Variants in ZNF641 observed in about 807,000 individuals in gnomAD.
ZNF641 encodes the protein zinc finger protein 641.
A neutral mutation model predicts 46.2 loss-of-function variants in ZNF641; 26 were observed. The observed-to-expected ratio is 0.56, with a 90% CI of 0.41 to 0.78. ZNF641 has a LOEUF of 0.78. ZNF641 is among the 30% of genes least tolerant of loss of function. ZNF641 has a pLI of 0.00. For missense variants in ZNF641, 469 were observed against 517.8 expected (o/e 0.91, Z 0.91); for synonymous variants, 163 against 187.9 (o/e 0.87, Z 1.09).
At chr12:48,350,188 C>A in intron 1 of ZNF641, 1 of 1,557,126 alleles carries the variant, frequency 6.4e-7, no homozygotes, top group Non-Finnish European at 8.7e-7. Context: ...TCATTTCCCC[C>A]TTTTCTTCAC....
In ZNF641 at chr12:48,343,624, A is replaced by G. The variant is rs1412451343; in HGVS notation, c.624T>C (p.His208=). 2.5e-6 allele frequency: 4 copies of G among 1,599,216 alleles called. No individual in the cohort carries two copies. Among genetic ancestry groups the G allele is most frequent in the Non-Finnish European group, 3.4e-6 (4 of 1,172,516 alleles). Residue 208 remains histidine, a synonymous_variant, in exon 6 of 6, where the codon CAT becomes CAC. Coordinates refer to ENST00000547026, the MANE Select transcript of ZNF641 (RefSeq NM_001172681.2). Reference sequence around the variant, plus strand: ...TGGGCATGGAATCCCAGCTCTCATCATGCTCCGGGTTCCAGAGAACAGTAT... The same window carrying G: ...TGGGCATGGAATCCCAGCTCTCATCGTGCTCCGGGTTCCAGAGAACAGTAT... ...SEDTVLWNPE[H]DESWDSMPSS... is the part of the protein sequence containing the mutation.
intron 1 of ZNF641, chr12:48,349,924 A>G (rs1431841493): frequency 8.6e-7 from 1 of 1,161,348 alleles, no homozygotes; most frequent in East Asian, 2.3e-5. Flanking sequence ...CAGGTAGCAG[A>G]GTCTCTTAAT....
chr12:48,344,656 A>T lies in ZNF641; in HGVS notation c.463T>A (p.Trp155Arg). The T allele has an allele frequency of 6.2e-7, 1 of 1,613,812 alleles. No homozygotes were observed. The highest frequency in any genetic ancestry group is 8.5e-7 in the Non-Finnish European group (1 of 1,179,844). ...TCTAAGTCCTGGGGGTCAGGGACCC[A>T]TTGTTCTTCTCCTCCTTCTAGTTGA... ...LSQLEGGEEQWVPDPQDLEER... is the reference protein window; with the variant it reads ...LSQLEGGEEQRVPDPQDLEER... Residue 155 changes from tryptophan to arginine, a missense_variant, in exon 5 of 6, where the codon TGG becomes AGG. Physicochemically the swap from Trp to Arg is moderately radical, Grantham distance 101. Transcript: ENST00000547026.
At position 48,345,407 on chromosome 12, in the gene ZNF641, G is replaced by C; in HGVS notation, c.344C>G (p.Ser115Cys). Reference sequence around the variant, plus strand: ...ATATTCTCCATAAAAGTCTGTCTGAGAGGGGTCCAGGCTCCGCCACTCCTC... The same window carrying C: ...ATATTCTCCATAAAAGTCTGTCTGACAGGGGTCCAGGCTCCGCCACTCCTC... ...SQEEWRSLDP[S>C]QTDFYGEYVM... The change falls in exon 4 of 6, where the codon TCT becomes TGT. Residue 115 changes from serine (S) to cysteine (C), a missense_variant. Coordinates refer to ENST00000547026, the MANE Select transcript of ZNF641 (RefSeq NM_001172681.2). 1 of 1,614,194 alleles carries C rather than the reference G, an allele frequency of 6.2e-7. No homozygotes were observed. The highest frequency in any genetic ancestry group is 8.5e-7 in the Non-Finnish European group (1 of 1,180,026).
In ZNF641 at chr12:48,341,636, G is replaced by A; in HGVS notation, c.*1337C>T. ...GGCAGTCAAATTCAAACCAGTGATG[G>A]CAACAACTTGCAAACACGTAATTCC... On this transcript the variant is annotated 3_prime_UTR_variant, in exon 6 of 6. Transcript: ENST00000547026. 1.0e-6 allele frequency: 1 copy of A among 985,392 alleles called. No homozygotes were observed. The highest frequency in any genetic ancestry group is 1.2e-6 in the Non-Finnish European group (1 of 829,932). 61.0% of individuals were successfully genotyped at this position (985,392 alleles called of 1,614,324 possible).
chr12:48,342,476 G>A lies in ZNF641; in HGVS notation c.*497C>T, dbSNP rs186185469. 1,160 of 971,920 alleles carry A rather than the reference G, an allele frequency of 1.2e-3. 4 individuals carry two copies. The highest frequency in any genetic ancestry group is 6.4e-3 in the Middle Eastern group (12 of 1,882). The allele number at this position is 971,920 out of a possible 1,614,324, so 60.2% of individuals were successfully genotyped here. The stretch of plus-strand genomic sequence containing the variant: ...AGTTCTGTGGGATGTAAATAGAAAG[G>A]ATACTGAGGTCAAATACATTTAGGA... On this transcript the variant is annotated 3_prime_UTR_variant, in exon 6 of 6. Transcript: ENST00000547026.
In ZNF641 at chr12:48,341,758, C is replaced by T; in HGVS notation, c.*1215G>A. ...ATCAACAAGAAACAGCTCACCTCCC[C>T]AAAGACTCCTCTTTCTCTGCCAGGG... On this transcript the variant is annotated 3_prime_UTR_variant, in exon 6 of 6. Coordinates refer to ENST00000547026, the MANE Select transcript of ZNF641 (RefSeq NM_001172681.2). 1.0e-6 allele frequency: 1 copy of T among 985,488 alleles called. No homozygotes were observed. The highest frequency in any genetic ancestry group is 4.7e-5 in the South Asian group (1 of 21,290). 61.0% of individuals were successfully genotyped at this position (985,488 alleles called of 1,614,324 possible).
Position 48,341,483 on chromosome 12 carries a change from T to C in ZNF641, c.*1490A>G. ...TCTTAGTGTGGACACCTTTCCAGAATTGGAAGGAAAACCAACCAGAAAGCT... is the reference window on the plus strand; with the variant it reads ...TCTTAGTGTGGACACCTTTCCAGAACTGGAAGGAAAACCAACCAGAAAGCT... On this transcript the variant is annotated 3_prime_UTR_variant, in exon 6 of 6. Transcript: ENST00000547026. The C allele has an allele frequency of 1.0e-6, 1 of 985,428 alleles. No individual in the cohort carries two copies. Among genetic ancestry groups the C allele is most frequent in the Non-Finnish European group, 1.2e-6 (1 of 829,936 alleles). 61.0% of individuals were successfully genotyped at this position (985,428 alleles called of 1,614,324 possible).
At position 48,337,660 on chromosome 12, in the gene ZNF641, A is replaced by G. The variant is rs1472596596; in HGVS notation, c.*5313T>C. The G allele has an allele frequency of 1.9e-5, 2 of 108,090 alleles. No individual in the cohort carries two copies. Among genetic ancestry groups the G allele is most frequent in the Non-Finnish European group, 4.0e-5 (2 of 49,424 alleles). 6.7% of individuals were successfully genotyped at this position (108,090 alleles called of 1,614,324 possible). A position where few individuals can be genotyped will look rare whatever the true frequency, so the allele number is the denominator to read the frequency against. On this transcript the variant is annotated 3_prime_UTR_variant, in exon 6 of 6. Coordinates refer to ENST00000547026, the MANE Select transcript of ZNF641 (RefSeq NM_001172681.2). ...ACCGTGAAACCCCGTCTCTACTAAA[A>G]AAAATACAAAAAAAAAAAAAAAAAT... is the stretch of plus-strand genomic sequence containing the variant.
chr12:48,340,917 G>C lies in ZNF641; in HGVS notation c.*2056C>G, dbSNP rs557090357. The C allele has an allele frequency of 3.0e-6, 3 of 985,424 alleles. No individual in the cohort carries two copies. The highest frequency in any genetic ancestry group is 2.3e-4 in the East Asian group (2 of 8,818). The allele number at this position is 985,424 out of a possible 1,614,324, so 61.0% of individuals were successfully genotyped here. Reference sequence around the variant, plus strand: ...GATCCTAAAATGCTCCTGTTTCTGAGAAGCTAGGGCAAGACCTGCCTTACA... The same window carrying C: ...GATCCTAAAATGCTCCTGTTTCTGACAAGCTAGGGCAAGACCTGCCTTACA... On this transcript the variant is annotated 3_prime_UTR_variant, in exon 6 of 6. Transcript: ENST00000547026.
upstream of ZNF641, chr12:48,351,062 GC>G (rs1953027174): frequency 6.5e-6 from 1 of 155,024 alleles, no homozygotes; most frequent in African/African-American, 2.4e-5. Flanking sequence ...AGGGGGCGGG[GC>G]TGCGGCTCAG....
chr12:48,343,316 C>T lies in ZNF641; in HGVS notation c.932G>A (p.Cys311Tyr). 2 of 1,614,234 alleles carry T rather than the reference C, an allele frequency of 1.2e-6. No homozygotes were observed. Among genetic ancestry groups the T allele is most frequent in the Non-Finnish European group, 8.5e-7 (1 of 1,180,044 alleles). Residue 311 changes from cysteine to tyrosine, a missense_variant, in exon 6 of 6, where the codon TGT becomes TAT. Cys to Tyr is a radical substitution (Grantham distance 194, BLOSUM62 -2). This residue lies in a region of ZNF641 where 346 missense variants were observed against 354.0 expected (regional missense o/e 0.98). Coordinates refer to ENST00000547026, the MANE Select transcript of ZNF641 (RefSeq NM_001172681.2). ...LHDKTSRCSE[C>Y]GKNFRCNSHL... ...GGAGTTGCATCGGAAATTCTTACCA[C>T]ACTCAGAGCACCTGCTGGTCTTGTC...
Position 48,347,979 on chromosome 12 carries a change from T to C in ZNF641, c.112A>G (p.Arg38Gly). ...ERGSQEERPW[R>G]TVPGPLEHLC... is the part of the protein sequence containing the mutation. ...TGCTCCAGAGGTCCTGGTACTGTTC[T>C]CCATGGCCGCTCTTCCTGGCTTCCC... Residue 38 changes from arginine (R) to glycine (G), a missense_variant, in exon 2 of 6, where the codon AGA becomes GGA. Coordinates refer to ENST00000547026, the MANE Select transcript of ZNF641 (RefSeq NM_001172681.2). 6.2e-7 allele frequency: 1 copy of C among 1,614,094 alleles called. No homozygotes were observed. Among genetic ancestry groups the C allele is most frequent in the Non-Finnish European group, 8.5e-7 (1 of 1,180,012 alleles).
intron 3 of ZNF641, 126 bp from the exon 4 acceptor site, chr12:48,345,600 TC>T: frequency 1.7e-6 from 2 of 1,208,574 alleles, no homozygotes; most frequent in East Asian, 4.8e-5. Context: ...TGCCCAGAAG[TC>T]CCTGGGTAGG....
chr12:48,342,112 GTTTT>G lies in ZNF641; in HGVS notation c.*857_*860del, dbSNP rs904054684. 1 of 985,162 alleles carries G rather than the reference GTTTT, an allele frequency of 1.0e-6. No homozygotes were observed. Among genetic ancestry groups the G allele is most frequent in the African/African-American group, 1.7e-5 (1 of 57,166 alleles). 61.0% of individuals were successfully genotyped at this position (985,162 alleles called of 1,614,324 possible). On this transcript the variant is annotated 3_prime_UTR_variant, in exon 6 of 6. Transcript: ENST00000547026. The stretch of plus-strand genomic sequence containing the variant: ...AGAGGGGACTGTTCAAGGGGATAAA[GTTTT>G]TTTTGTTTTTCTGTTTTTCTGTGTG...
rs112457120 is a variant in ZNF641, at chr12:48,342,650, A to G, written c.*323T>C. On this transcript the variant is annotated 3_prime_UTR_variant, in exon 6 of 6. Transcript: ENST00000547026. Reference sequence around the variant, plus strand: ...ATACTCAAAATGTTTAACAACTGGTATAGCATAGACTCCAACCAATCAGAA... The same window carrying G: ...ATACTCAAAATGTTTAACAACTGGTGTAGCATAGACTCCAACCAATCAGAA... 458 of 569,174 alleles carry G rather than the reference A, an allele frequency of 8.0e-4. No homozygotes were observed. Among genetic ancestry groups the G allele is most frequent in the East Asian group, 5.7e-3 (97 of 16,920 alleles). The allele number at this position is 569,174 out of a possible 1,614,324, so 35.3% of individuals were successfully genotyped here.
downstream of ZNF641, among the ~76,000 whole-genome samples, chr12:48,336,295 T>C (rs1952603843): frequency 6.6e-6 from 1 of 152,194 alleles, no homozygotes; most frequent in African/African-American, 2.4e-5. Flanking sequence ...GTGTTTCTCT[T>C]TTCCCTTTTC....
downstream of ZNF641, among the ~76,000 whole-genome samples, chr12:48,334,651 A>G (rs1254861126): frequency 2.0e-5 from 3 of 150,780 alleles, no homozygotes; most frequent in African/African-American, 7.3e-5. Flanking sequence ...CTCTGAAAAG[A>G]GGCAATGAGA....
chr12:48,351,074 G>A (rs1953027482), upstream of ZNF641: 1 of 155,390 alleles, frequency 6.4e-6, no homozygotes, highest in Non-Finnish European at 1.4e-5. Context: ...TGCGGCTCAG[G>A]CGCCCCCAAA....
Sources: allele counts gnomAD v4.1 joint callset (sites outside exome capture counted in the v4.1 genomes callset), GRCh38; gene constraint gnomAD v4.1.1; regional missense constraint gnomAD v4.1.1; transcripts MANE v1.5; gene names NCBI Gene and HGNC (gene_info 2026-07-23, HGNC 2026-07-21).